The following RFX3 variants were observed in gnomAD, a reference collection of about 807,000 sequenced individuals.
The protein encoded by RFX3 is regulatory factor X3.
RFX3 carries 14 observed loss-of-function variants against 98.6 expected under a neutral mutation model. The ratio of observed to expected loss-of-function variants is 0.14; its 90% CI spans 0.09 to 0.22. RFX3 has a LOEUF of 0.22. Among genes scored for constraint, RFX3 ranks in the 10% least tolerant of loss-of-function variants. The pLI, the probability that RFX3 is intolerant of heterozygous loss-of-function variation, is 1.00. For missense variants in RFX3, 639 were observed against 926.9 expected, an observed-to-expected ratio of 0.69 and a Z score of 4.03; for synonymous variants, 383 against 328.4, an observed-to-expected ratio of 1.17 and a Z score of -1.80.
intron 1 of RFX3, among the ~76,000 whole-genome samples, chr9:3,396,161 G>A: frequency 6.6e-6 from 1 of 151,852 alleles, no homozygotes; most frequent in Middle Eastern, 3.4e-3. Flanking sequence ...TTAACATTAG[G>A]TATATCTCCT....
chr9:3,424,150 A>C (rs1312036330), intron 1 of RFX3, among the ~76,000 whole-genome samples: 1 of 151,016 alleles, frequency 6.6e-6, no homozygotes, highest in African/African-American at 2.4e-5. Context: ...CCTTCTCAAA[A>C]AAAAAAGAAG....
chr9:3,275,581 T>G lies in RFX3; in HGVS notation c.1005A>C (p.Glu335Asp). The change falls in exon 9 of 17, where the codon GAA (glutamate) becomes GAC (aspartate). Residue 335 changes from glutamate to aspartate, a missense_variant. Transcript: ENST00000617270. The part of the protein sequence containing the change: ...DASRALPEFG[E>D]VEISSLPDGT... ...CATCTGGCAGAGAAGAGATTTCAACTTCTCCAAACTCTGGAAGTGCTCGAG... is the reference window on the plus strand; with the variant it reads ...CATCTGGCAGAGAAGAGATTTCAACGTCTCCAAACTCTGGAAGTGCTCGAG... 1.2e-6 allele frequency: 2 copies of G among 1,612,264 alleles called. No homozygotes were observed. Among genetic ancestry groups the G allele is most frequent in the Non-Finnish European group, 1.7e-6 (2 of 1,178,606 alleles).
intron 1 of RFX3, among the ~76,000 whole-genome samples, chr9:3,512,138 A>G (rs572863354): frequency 3.3e-5 from 5 of 152,196 alleles, no homozygotes; most frequent in African/African-American, 1.2e-4. Context: ...AGAAAAAACA[A>G]GATCATTTTT....
At chr9:3,514,194 T>C (rs1419746709) in intron 1 of RFX3, among the ~76,000 whole-genome samples, 2 of 152,170 alleles carry the variant, frequency 1.3e-5, no homozygotes, top group African/African-American at 4.8e-5. Context: ...CTAATCTTTC[T>C]TTGCCTCAAG....
chr9:3,247,488 A>G lies in RFX3; in HGVS notation c.1968+544T>C, dbSNP rs76591137. 4,119 of 705,758 alleles carry G rather than the reference A, an allele frequency of 5.8e-3. 153 individuals carry two copies. The African/African-American group carries it at 0.073, about 13-fold the overall frequency. The allele number at this position is 705,758 out of a possible 1,614,324, so 43.7% of individuals were successfully genotyped here. A position where few individuals can be genotyped will look rare whatever the true frequency, so the allele number is the denominator to read the frequency against. Reference sequence around the variant, plus strand: ...TGCTTATTGTAAAACAGAATAAAGTAGAACGTATCTCAAAGACTTGCATTA... The same window carrying G: ...TGCTTATTGTAAAACAGAATAAAGTGGAACGTATCTCAAAGACTTGCATTA... On this transcript the variant is annotated intron_variant, in intron 15 of 16. Transcript: ENST00000617270.
chr9:3,313,774 T>C (rs1830241856), intron 4 of RFX3, among the ~76,000 whole-genome samples: 1 of 152,154 alleles, frequency 6.6e-6, no homozygotes, highest in South Asian at 2.1e-4. Flanking sequence ...AGGGTATCAG[T>C]GACTGAAGAT....
At chr9:3,302,392 T>C (rs563744300) in intron 4 of RFX3, among the ~76,000 whole-genome samples, 22 of 151,918 alleles carry the variant, frequency 1.4e-4, no homozygotes, top group African/African-American at 5.3e-4. Flanking sequence ...TAGTGATAAA[T>C]GTGATACACT....
intron 1 of RFX3, among the ~76,000 whole-genome samples, chr9:3,448,207 AT>A (rs1361323306): frequency 3.3e-5 from 5 of 152,144 alleles, no homozygotes; most frequent in Admixed American, 2.0e-4. Context: ...GGTTTTAGAT[AT>A]TTTTTTCCCA....
At chr9:3,394,392 G>C (rs1161629365) in intron 2 of RFX3, among the ~76,000 whole-genome samples, 1 of 152,196 alleles carries the variant, frequency 6.6e-6, no homozygotes, top group Non-Finnish European at 1.5e-5. Context: ...GAACCCGGGA[G>C]GCAGAGCTTG....
At chr9:3,247,528 T>C (rs1820837486) in intron 15 of RFX3, 7 of 915,584 alleles carry the variant, frequency 7.6e-6, no homozygotes, top group South Asian at 6.2e-5. Context: ...CTTTATTACA[T>C]GTAAAAAACA....
chr9:3,468,009 T>C (rs2133175205), intron 1 of RFX3, among the ~76,000 whole-genome samples: 1 of 152,302 alleles, frequency 6.6e-6, no homozygotes, highest in South Asian at 2.1e-4. Flanking sequence ...TTCTGAAAGA[T>C]GATCGCATTT....
rs1192675928 is a variant in RFX3 at position 3,505,294 on chromosome 9, T to TTA, written c.-9+20451_-9+20452dup. On this transcript the variant is annotated intron_variant, in intron 1 of 16. Transcript: ENST00000617270. ...TATATGAATATATACATTTTTATATTTATATATATATAAATATATATTAAT... is the reference window on the plus strand; with the variant it reads ...TATATGAATATATACATTTTTATATTTATATATATATATAAATATATATTAAT... Among the ~76,000 whole-genome samples the TTA allele has an allele frequency of 9.8e-4, 77 of 78,624 alleles. 14 individuals carry two copies. The highest frequency in any genetic ancestry group is 5.6e-3 in the East Asian group (8 of 1,416). The allele number at this position is 78,624 out of a possible 152,430, so 51.6% of individuals were successfully genotyped here.
chr9:3,378,317 T>A (rs1370742976), intron 2 of RFX3, among the ~76,000 whole-genome samples: 2 of 152,098 alleles, frequency 1.3e-5, no homozygotes, highest in Non-Finnish European at 2.9e-5. Flanking sequence ...TGTGGAAAAA[T>A]TTTTAAGCCA....
chr9:3,492,109 A>C (rs1316221980), intron 1 of RFX3, among the ~76,000 whole-genome samples: 1 of 152,174 alleles, frequency 6.6e-6, no homozygotes, highest in Non-Finnish European at 1.5e-5. Flanking sequence ...GATGCTTGGC[A>C]ATGTGCTAGA....
Position 3,423,778 on chromosome 9 carries a change from C to CATATATATATATATAT in RFX3, c.-8-28198_-8-28183dup, listed in dbSNP as rs61209874. Among the ~76,000 whole-genome samples, 110 of 111,022 alleles carry CATATATATATATATAT rather than the reference C, an allele frequency of 9.9e-4. 2 individuals carry two copies. The highest frequency in any genetic ancestry group is 1.7e-3 in the Admixed American group (17 of 9,760). The allele number at this position is 111,022 out of a possible 152,430, so 72.8% of individuals were successfully genotyped here. The stretch of plus-strand genomic sequence containing the variant: ...TTTCATTTTATGTATTATATATTTT[C>CATATATATATATATAT]ATATATATATATATATATATATATA... On this transcript the variant is annotated intron_variant, in intron 1 of 16. Coordinates refer to ENST00000617270, the MANE Select transcript of RFX3 (RefSeq NM_001282116.2).
intron 1 of RFX3, among the ~76,000 whole-genome samples, chr9:3,465,894 T>C (rs1160340629): frequency 1.3e-5 from 2 of 151,264 alleles, no homozygotes; most frequent in African/African-American, 4.9e-5. Flanking sequence ...GAAAAAAAAG[T>C]GAAGGACAGC....
chr9:3,368,881 T>G (rs1043541072), intron 2 of RFX3, among the ~76,000 whole-genome samples: 2 of 152,258 alleles, frequency 1.3e-5, no homozygotes, highest in African/African-American at 4.8e-5. Context: ...GTGGTAATTC[T>G]GATGTAGACG....
At chr9:3,320,713 T>C (rs957684162) in intron 4 of RFX3, among the ~76,000 whole-genome samples, 5 of 145,116 alleles carry the variant, frequency 3.4e-5, no homozygotes, top group African/African-American at 7.8e-5. Flanking sequence ...TGCATATATA[T>C]ACATACATAC....
chr9:3,501,934 A>C (rs1201801847), intron 1 of RFX3, among the ~76,000 whole-genome samples: 1 of 152,054 alleles, frequency 6.6e-6, no homozygotes, highest in Non-Finnish European at 1.5e-5. Context: ...AACCTCAGTT[A>C]AACACGTTTT....
Sources: gnomAD v4.1 joint callset for allele counts (sites outside exome capture counted in the v4.1 genomes callset) on GRCh38, gnomAD v4.1.1 for gene constraint, MANE v1.5 for transcripts, NCBI Gene and HGNC (gene_info 2026-07-23, HGNC 2026-07-21) for gene names.